Variants in ABCA3 observed in about 807,000 individuals in gnomAD.
The protein encoded by ABCA3 is phospholipid-transporting ATPase ABCA3.
In ABCA3, 88 loss-of-function variants were observed where a neutral mutation model predicts 172.8. The observed-to-expected ratio is 0.51, with a 90% CI of 0.43 to 0.61. The LOEUF (loss-of-function observed/expected upper bound fraction) is 0.61. Ranked by LOEUF, ABCA3 falls within the 20% of genes least tolerant of loss-of-function variation. The pLI, the probability that ABCA3 is intolerant of heterozygous loss-of-function variation, is 0.00. For synonymous variants in ABCA3, 1,066 were observed against 983.8 expected, an observed-to-expected ratio of 1.08 and a Z score of -1.56; for missense variants, 2,164 against 2,301.0, an observed-to-expected ratio of 0.94 and a Z score of 1.22.
chr16:2,314,437 G>T (rs563269727), intron 10 of ABCA3, among the ~76,000 whole-genome samples: 14 of 151,890 alleles, frequency 9.2e-5, no homozygotes, highest in Non-Finnish European at 1.5e-4. Context: ...ACAGGAAGTA[G>T]GGTGCTGGTT....
chr16:2,310,433 A>G (rs966947283), intron 10 of ABCA3, among the ~76,000 whole-genome samples: 2 of 150,992 alleles, frequency 1.3e-5, no homozygotes, highest in Non-Finnish European at 3.0e-5. Context: ...CAAAAAAACA[A>G]ACAAACAAAC....
chr16:2,303,249 G>A (rs993050069), intron 12 of ABCA3, among the ~76,000 whole-genome samples: 4 of 151,068 alleles, frequency 2.6e-5, no homozygotes, highest in Admixed American at 6.6e-5. Flanking sequence ...TCAGGAATCC[G>A]AACTTTTTTT....
intron 17 of ABCA3, among the ~76,000 whole-genome samples, chr16:2,296,007 C>G (rs1462734858): frequency 6.6e-6 from 1 of 152,308 alleles, no homozygotes; most frequent in African/African-American, 2.4e-5. Flanking sequence ...GGGTCTCCCC[C>G]CAGCTATACA....
intron 1 of ABCA3, among the ~76,000 whole-genome samples, chr16:2,335,119 G>A (rs1475938634): frequency 2.0e-5 from 3 of 151,720 alleles, no homozygotes; most frequent in African/African-American, 7.3e-5. Flanking sequence ...GTAAGCCACT[G>A]TGCCCGGCCC....
At chr16:2,295,540 G>T (rs766190759) in intron 18 of ABCA3, 50 bp downstream of exon 18, 3 of 1,604,016 alleles carry the variant, frequency 1.9e-6, no homozygotes, top group African/African-American at 1.3e-5. Flanking sequence ...TGGCCCATGG[G>T]GATCCCATCT....
In ABCA3 at chr16:2,298,546, G is replaced by GCCCA; in HGVS notation, c.1742-10_1742-7dup. 1 of 1,612,738 alleles carries GCCCA rather than the reference G, an allele frequency of 6.2e-7. No homozygotes were observed. Among genetic ancestry groups the GCCCA allele is most frequent in the Non-Finnish European group, 8.5e-7 (1 of 1,179,972 alleles). ...ACTGGTGGGGGGAAAGAGACCTGGGGCCCAGCAGGAGACCCCACATTCAGC... is the reference window on the plus strand; with the variant it reads ...ACTGGTGGGGGGAAAGAGACCTGGGGCCCACCCAGCAGGAGACCCCACATTCAGC... On this transcript the variant is annotated splice_polypyrimidine_tract_variant and splice_region_variant and intron_variant, in intron 14 of 32. Transcript: ENST00000301732.
At chr16:2,328,806 T>C in intron 2 of ABCA3, 49 bp from the exon 3 acceptor site, 3 of 219,648 alleles carry the variant, frequency 1.4e-5, no homozygotes, top group Non-Finnish European at 1.9e-5. Context: ...ATGCACGGGA[T>C]AGAAAGGCAA....
chr16:2,303,252 CTTT>C (rs1298963560), intron 12 of ABCA3, among the ~76,000 whole-genome samples: 3 of 151,144 alleles, frequency 2.0e-5, no homozygotes, highest in Non-Finnish European at 4.4e-5. Context: ...GGAATCCGAA[CTTT>C]TTTTCTCTCT....
chr16:2,292,556 G>A (rs890327742), intron 18 of ABCA3, among the ~76,000 whole-genome samples: 41 of 151,560 alleles, frequency 2.7e-4, no homozygotes, highest in Non-Finnish European at 4.1e-4. Flanking sequence ...CCGAGATTGC[G>A]CTACTGCACT....
rs753555676 is a variant in ABCA3 at position 2,283,154 on chromosome 16, C to T, written c.4035+32G>A. On this transcript the variant is annotated intron_variant, in intron 26 of 32. Transcript: ENST00000301732. This position sits in a 1 kb window ranked among gnomAD's most constrained non-coding sequence, Gnocchi z 5.4. The stretch of plus-strand genomic sequence containing the variant: ...CCAAGCAGAGACGTGGGGAGCATCT[C>T]GCCAGTGTCCTGGGCTCCCGGAGCC... 44 of 1,606,442 alleles carry T rather than the reference C, an allele frequency of 2.7e-5. No individual in the cohort carries two copies. Among genetic ancestry groups the T allele is most frequent in the South Asian group, 1.2e-4 (11 of 90,322 alleles).
chr16:2,322,782 A>T (rs2093728127), intron 7 of ABCA3, among the ~76,000 whole-genome samples: 1 of 152,094 alleles, frequency 6.6e-6, no homozygotes, highest in African/African-American at 2.4e-5. Context: ...AGCAATGGCA[A>T]CAAAAGCCAA....
In ABCA3 at chr16:2,328,613, C is replaced by G. The variant is rs984210392; in HGVS notation, c.-187G>C. The G allele has an allele frequency of 2.0e-6, 1 of 508,912 alleles. No individual in the cohort carries two copies. The highest frequency in any genetic ancestry group is 5.5e-5 in the East Asian group (1 of 18,062). 31.5% of individuals were successfully genotyped at this position (508,912 alleles called of 1,614,324 possible). On this transcript the variant is annotated 5_prime_UTR_variant, in exon 3 of 33. Coordinates refer to ENST00000301732, the MANE Select transcript of ABCA3 (RefSeq NM_001089.3). ...GGGAAGGCGATGGAGGAGGGGCAGT[C>G]TAGAGAGCCCCTGGTGCTGGTCCAC...
chr16:2,278,051 G>C lies in ABCA3; in HGVS notation c.4737C>G (p.Ala1579=), dbSNP rs767698107. The change falls in exon 31 of 33, where the codon GCC becomes GCG. Residue 1579 remains alanine, a synonymous_variant. Coordinates refer to ENST00000301732, the MANE Select transcript of ABCA3 (RefSeq NM_001089.3). The surrounding 1 kb of genome is among the most constrained non-coding windows in gnomAD (Gnocchi z 4.4). ...ITSHSMEECE[A]LCTRLAIMVQ... ...CCATGATGGCCAGCCGGGTGCACAG[G>C]GCCTCACACTCCTCCATGCTGTGGA... The C allele has an allele frequency of 6.2e-7, 1 of 1,613,430 alleles. No individual in the cohort carries two copies. The highest frequency in any genetic ancestry group is 1.1e-5 in the South Asian group (1 of 91,086).
chr16:2,314,118 G>A (rs1048839203), intron 10 of ABCA3, among the ~76,000 whole-genome samples: 3 of 152,184 alleles, frequency 2.0e-5, no homozygotes, highest in African/African-American at 7.2e-5. Context: ...AATTGCCATA[G>A]GATTCAGCAA....
intron 11 of ABCA3, among the ~76,000 whole-genome samples, chr16:2,305,308 A>G (rs1224818772): frequency 6.7e-6 from 1 of 149,974 alleles, no homozygotes; most frequent in African/African-American, 2.5e-5. Context: ...TAATTTTTGT[A>G]TTTTTTTTAG....
Position 2,276,635 on chromosome 16 carries a change from C to A in ABCA3, c.*39G>T. On this transcript the variant is annotated 3_prime_UTR_variant, in exon 33 of 33. Transcript: ENST00000301732. Reference sequence around the variant, plus strand: ...GGATGTAAGATGGGCCCTGCTTGCCCGTCCTGTCCCTGCCTGATGGCGAGA... The same window carrying A: ...GGATGTAAGATGGGCCCTGCTTGCCAGTCCTGTCCCTGCCTGATGGCGAGA... 4 of 1,607,502 alleles carry A rather than the reference C, an allele frequency of 2.5e-6. No homozygotes were observed. The highest frequency in any genetic ancestry group is 3.4e-6 in the Non-Finnish European group (4 of 1,178,074).
chr16:2,289,412 G>A (rs904847901), intron 20 of ABCA3, 22 bp downstream of exon 20: 9 of 893,202 alleles, frequency 1.0e-5, no homozygotes, highest in East Asian at 7.8e-5. Context: ...CCCGCCACCC[G>A]CCCACCCACC....
chr16:2,276,453 G>A lies in ABCA3; in HGVS notation c.*221C>T, dbSNP rs776829823. ...CGGCCTGCCCCAGCTCTGGGAAAGT[G>A]AACTCCAGAGTATGCAGACATGGAG... On this transcript the variant is annotated 3_prime_UTR_variant, in exon 33 of 33. Transcript: ENST00000301732. The A allele has an allele frequency of 2.1e-5, 18 of 838,922 alleles. No homozygotes were observed. Among genetic ancestry groups the A allele is most frequent in the Non-Finnish European group, 3.4e-5 (18 of 530,516 alleles). 52.0% of individuals were successfully genotyped at this position (838,922 alleles called of 1,614,324 possible).
At chr16:2,317,581 A>G in intron 9 of ABCA3, 67 bp downstream of exon 9, 2 of 1,588,490 alleles carry the variant, frequency 1.3e-6, no homozygotes, top group South Asian at 1.1e-5. Context: ...GTTCTTCCCA[A>G]GAGGGCCCTC....
Sources: gnomAD v4.1 joint callset for allele counts (sites outside exome capture counted in the v4.1 genomes callset) on GRCh38, gnomAD v4.1.1 for gene constraint, Gnocchi (gnomAD v3.1) non-coding constraint, MANE v1.5 for transcripts, NCBI Gene and HGNC (gene_info 2026-07-23, HGNC 2026-07-21) for gene names.